LCN9: variants seen among roughly 807,000 people sequenced by gnomAD.
The protein encoded by LCN9 is epididymal-specific lipocalin-9.
Under a neutral mutation model 18.5 loss-of-function variants are expected in LCN9, and 22 were observed. The ratio of observed to expected loss-of-function variants is 1.19; its 90% CI spans 0.85 to 1.70. The LOEUF (loss-of-function observed/expected upper bound fraction) is 1.70, where lower values mean the gene tolerates loss of function less well. LCN9 is among the 40% of genes most tolerant of loss of function. The pLI is 0.00. For synonymous variants in LCN9, 89 were observed against 83.0 expected, an observed-to-expected ratio of 1.07 and a Z score of -0.39; for missense variants, 202 against 201.3, an observed-to-expected ratio of 1.00 and a Z score of -0.02.
rs771939761 is a variant in LCN9 at position 135,664,812 on chromosome 9, C to A, written c.307+17C>A. The A allele has an allele frequency of 1.2e-5, 19 of 1,569,244 alleles. No individual in the cohort carries two copies. Among genetic ancestry groups the A allele is most frequent in the Admixed American group, 9.5e-5 (5 of 52,842 alleles). ...CCATCAACTGTAAGTGGAAGCCAGG[C>A]TCCTCCTGGTCTCACAGTCGGGGGT... On this transcript the variant is annotated intron_variant, in intron 3 of 5. Coordinates refer to ENST00000619315, the Ensembl canonical transcript of LCN9. This position sits in a 1 kb window ranked among gnomAD's most constrained non-coding sequence, Gnocchi z 4.5.
In LCN9 at chr9:135,664,054, T is replaced by G. The variant is rs529351183; in HGVS notation, c.97-108T>G. On this transcript the variant is annotated intron_variant, in intron 1 of 5. Coordinates refer to ENST00000619315, the Ensembl canonical transcript of LCN9. The surrounding 1 kb of genome is among the most constrained non-coding windows in gnomAD (Gnocchi z 4.5). ...ACTGGAAGGGCGGAGGGGTTCTGGT[T>G]GGGAGCCAGATGCTAAGGGGCCGGG... 6.4e-5 allele frequency: 78 copies of G among 1,224,644 alleles called. 3 individuals are homozygous for G. The South Asian group carries it at 1.1e-3, about 17-fold the overall frequency. 75.9% of individuals were successfully genotyped at this position (1,224,644 alleles called of 1,614,324 possible).
At chr9:135,663,504 G>C (rs1041155410) in intron 1 of LCN9, 87 bp downstream of exon 1, 2 of 1,241,910 alleles carry the variant, frequency 1.6e-6, no homozygotes, top group African/African-American at 3.0e-5. Context: ...CCTGTGACCA[G>C]GGCAACTGGT....
Position 135,665,299 on chromosome 9 carries a change from C to A in LCN9, c.362C>A (p.Thr121Asn). 1.9e-6 allele frequency: 3 copies of A among 1,607,086 alleles called. No individual in the cohort carries two copies. The highest frequency in any genetic ancestry group is 2.5e-6 in the Non-Finnish European group (3 of 1,177,098). ...GAGACTGACTACAGGCTGTTCATCA[C>A]CTTCCACCTCCAGAACTTCAGGAAC... Residue 121 changes from threonine (T) to asparagine (N), a missense_variant, in exon 4 of 6, where the codon ACC becomes AAC. Transcript: ENST00000619315. The surrounding 1 kb of genome is among the most constrained non-coding windows in gnomAD (Gnocchi z 5.9).
intron 1 of LCN9, 63 bp downstream of exon 1, chr9:135,663,480 C>T (rs1834154085): frequency 6.8e-7 from 1 of 1,466,822 alleles, no homozygotes. Flanking sequence ...CTTCCCCCAG[C>T]CTGGGGTCTC....
chr9:135,663,516 C>A, intron 1 of LCN9, 99 bp downstream of exon 1: 1 of 901,662 alleles, frequency 1.1e-6, no homozygotes, highest in Non-Finnish European at 1.7e-6. Flanking sequence ...GCAACTGGTC[C>A]AAGGGGAGCC....
rs1196596713 is a variant in LCN9, at chr9:135,665,853, C to T, written c.*10-8C>T. ...TCCCTGCGCTGAGAGCCCCCTCTGT[C>T]CTTCCAGATCCCTGCTACTCCAAGC... is the stretch of plus-strand genomic sequence containing the variant. On this transcript the variant is annotated splice_polypyrimidine_tract_variant and splice_region_variant and intron_variant, in intron 5 of 5. Transcript: ENST00000619315. The surrounding 1 kb of genome is among the most constrained non-coding windows in gnomAD (Gnocchi z 5.9). 6.2e-7 allele frequency: 1 copy of T among 1,612,728 alleles called. No individual in the cohort carries two copies. The highest frequency in any genetic ancestry group is 1.7e-5 in the Admixed American group (1 of 59,864).
In LCN9 at chr9:135,665,564, T is replaced by C. The variant is rs777346259; in HGVS notation, c.419-124T>C. 27 of 969,852 alleles carry C rather than the reference T, an allele frequency of 2.8e-5. No individual in the cohort carries two copies. The highest frequency in any genetic ancestry group is 3.5e-5 in the Non-Finnish European group (22 of 636,642). The allele number at this position is 969,852 out of a possible 1,614,324, so 60.1% of individuals were successfully genotyped here. A position where few individuals can be genotyped will look rare whatever the true frequency, so the allele number is the denominator to read the frequency against. ...CACTTGGCACAAAGCCCCTCTCTGG[T>C]CAGGGCGTGACCCCCTGCCCAGCCT... is the stretch of plus-strand genomic sequence containing the variant. On this transcript the variant is annotated intron_variant, in intron 4 of 5. Coordinates refer to ENST00000619315, the Ensembl canonical transcript of LCN9. This position sits in a 1 kb window ranked among gnomAD's most constrained non-coding sequence, Gnocchi z 5.9.
In LCN9 at chr9:135,665,908, C is replaced by T. The variant is rs763098064; in HGVS notation, c.*57C>T. ...CAGGAGCCCGCCCAGGCCTCCCATG[C>T]GTGAGCTGCGACTCGGGACGGGCAG... On this transcript the variant is annotated 3_prime_UTR_variant, in exon 6 of 6. Transcript: ENST00000619315. The surrounding 1 kb of genome is among the most constrained non-coding windows in gnomAD (Gnocchi z 5.9). 2.0e-5 allele frequency: 33 copies of T among 1,611,206 alleles called. No homozygotes were observed. The highest frequency in any genetic ancestry group is 3.4e-4 in the Middle Eastern group (2 of 5,944).
chr9:135,665,906 T>C lies in LCN9; in HGVS notation c.*55T>C. On this transcript the variant is annotated 3_prime_UTR_variant, in exon 6 of 6. Coordinates refer to ENST00000619315, the Ensembl canonical transcript of LCN9. This position sits in a 1 kb window ranked among gnomAD's most constrained non-coding sequence, Gnocchi z 5.9. ...TACAGGAGCCCGCCCAGGCCTCCCA[T>C]GCGTGAGCTGCGACTCGGGACGGGC... The C allele has an allele frequency of 1.9e-6, 3 of 1,611,580 alleles. No individual in the cohort carries two copies. The highest frequency in any genetic ancestry group is 2.5e-6 in the Non-Finnish European group (3 of 1,179,270).
rs546663138 is a variant in LCN9, at chr9:135,665,736, C to T, written c.467C>T (p.Ser156Leu). 3 of 1,613,514 alleles carry T rather than the reference C, an allele frequency of 1.9e-6. No homozygotes were observed. The highest frequency in any genetic ancestry group is 2.2e-5 in the South Asian group (2 of 90,964). ...ACGGACTTGGCTCACAAAATATCAT[C>T]GACTTGACCAACAAAGGTCAGCCCC... Residue 156 changes from serine to leucine, a missense_variant, in exon 5 of 6, where the codon TCG (serine) becomes TTG (leucine). By Grantham distance (145) the Ser-to-Leu change is moderately radical. Transcript: ENST00000619315. This position sits in a 1 kb window ranked among gnomAD's most constrained non-coding sequence, Gnocchi z 5.9.
Position 135,664,298 on chromosome 9 carries a change from T to C in LCN9, c.233T>C (p.Met78Thr), listed in dbSNP as rs762817494. The C allele has an allele frequency of 7.0e-5, 113 of 1,613,694 alleles. 1 individual carries two copies. The highest frequency in any genetic ancestry group is 1.6e-4 in the East Asian group (7 of 44,900). The change falls in exon 2 of 6, where the codon ATG becomes ACG. Residue 78 changes from methionine to threonine, a missense_variant and splice_region_variant. Coordinates refer to ENST00000619315, the Ensembl canonical transcript of LCN9. The surrounding 1 kb of genome is among the most constrained non-coding windows in gnomAD (Gnocchi z 4.5). ...AGCCTAATATTTGATTTCGAATACA[T>C]GTGCGTGTTGCCCATCTCAGCTGGC...
Position 135,664,746 on chromosome 9 carries a change from G to T in LCN9, c.258G>T (p.Val86=). 6.3e-7 allele frequency: 1 copy of T among 1,598,920 alleles called. No individual in the cohort carries two copies. Among genetic ancestry groups the T allele is most frequent in the Non-Finnish European group, 8.5e-7 (1 of 1,173,196 alleles). The change falls in exon 3 of 6, where the codon GTG becomes GTT. Residue 86 remains valine, a synonymous_variant. Transcript: ENST00000619315. The surrounding 1 kb of genome is among the most constrained non-coding windows in gnomAD (Gnocchi z 4.5). ...GGGTGCAGGGGGAGTGTGTGGCTGTGGTCGTGGTCTGCGAGAAGACAGAGA... is the reference window on the plus strand; with the variant it reads ...GGGTGCAGGGGGAGTGTGTGGCTGTTGTCGTGGTCTGCGAGAAGACAGAGA...
chr9:135,663,373 T>C, exon 1 of LCN9: 1 of 1,613,700 alleles, frequency 6.2e-7, no homozygotes, highest in Non-Finnish European at 8.5e-7. Flanking sequence ...AGCCCAGGAG[T>C]TCGATCCCCA....
In LCN9 at chr9:135,665,342, G is replaced by C. The variant is rs367648675; in HGVS notation, c.405G>C (p.Thr135=). 2.5e-6 allele frequency: 4 copies of C among 1,599,668 alleles called. No homozygotes were observed. Among genetic ancestry groups the C allele is most frequent in the Non-Finnish European group, 3.4e-6 (4 of 1,173,418 alleles). ...TCAGGAACGGGACCGAGACCCACAC[G>C]CTGGCGCTCTATGGTACCTCCGCTG... The change falls in exon 4 of 6, where the codon ACG becomes ACC. Residue 135 remains threonine, a synonymous_variant. Coordinates refer to ENST00000619315, the Ensembl canonical transcript of LCN9. The surrounding 1 kb of genome is among the most constrained non-coding windows in gnomAD (Gnocchi z 5.9).
rs563635238 is a variant in LCN9, at chr9:135,664,518, C to T, written c.234-204C>T. Among the ~76,000 whole-genome samples, 2 of 152,190 alleles carry T rather than the reference C, an allele frequency of 1.3e-5. No homozygotes were observed. The highest frequency in any genetic ancestry group is 2.4e-5 in the African/African-American group (1 of 41,520). ...TCCCTGAAACATAGAGATGAAATCG[C>T]CCCCTTCCAAGGCTGGGGTGAGGTT... On this transcript the variant is annotated intron_variant, in intron 2 of 5. Coordinates refer to ENST00000619315, the Ensembl canonical transcript of LCN9. This position sits in a 1 kb window ranked among gnomAD's most constrained non-coding sequence, Gnocchi z 4.5.
chr9:135,665,610 C>A lies in LCN9; in HGVS notation c.419-78C>A. On this transcript the variant is annotated intron_variant, in intron 4 of 5. Transcript: ENST00000619315. This position sits in a 1 kb window ranked among gnomAD's most constrained non-coding sequence, Gnocchi z 5.9. ...AGCCTCAGCACTTCCTGAGCACCCC[C>A]AGCAAGGCCCAGCTTCACACAGAAC... is the stretch of plus-strand genomic sequence containing the variant. 7.0e-7 allele frequency: 1 copy of A among 1,428,408 alleles called. No individual in the cohort carries two copies. Among genetic ancestry groups the A allele is most frequent in the South Asian group, 1.2e-5 (1 of 80,994 alleles). 88.5% of individuals were successfully genotyped at this position (1,428,408 alleles called of 1,614,324 possible). A position where few individuals can be genotyped will look rare whatever the true frequency, so the allele number is the denominator to read the frequency against.
Position 135,665,291 on chromosome 9 carries a change from G to C in LCN9, c.354G>C (p.Leu118=). The C allele has an allele frequency of 6.2e-7, 1 of 1,606,900 alleles. No individual in the cohort carries two copies. Among genetic ancestry groups the C allele is most frequent in the Non-Finnish European group, 8.5e-7 (1 of 1,176,996 alleles). ...CCGTCTCGGAGACTGACTACAGGCT[G>C]TTCATCACCTTCCACCTCCAGAACT... is the stretch of plus-strand genomic sequence containing the variant. Residue 118 remains leucine (L), a synonymous_variant, in exon 4 of 6, where the codon CTG becomes CTC. Transcript: ENST00000619315. This position sits in a 1 kb window ranked among gnomAD's most constrained non-coding sequence, Gnocchi z 5.9.
Position 135,664,069 on chromosome 9 carries a change from A to C in LCN9, c.97-93A>C. 1 of 1,399,738 alleles carries C rather than the reference A, an allele frequency of 7.1e-7. No homozygotes were observed. 86.7% of individuals were successfully genotyped at this position (1,399,738 alleles called of 1,614,324 possible). A position where few individuals can be genotyped will look rare whatever the true frequency, so the allele number is the denominator to read the frequency against. On this transcript the variant is annotated intron_variant, in intron 1 of 5. Coordinates refer to ENST00000619315, the Ensembl canonical transcript of LCN9. The surrounding 1 kb of genome is among the most constrained non-coding windows in gnomAD (Gnocchi z 4.5). ...GGGTTCTGGTTGGGAGCCAGATGCT[A>C]AGGGGCCGGGCCCTGGGAGGGAAGA...
Position 135,665,495 on chromosome 9 carries a change from A to G in LCN9, c.418+140A>G. The G allele has an allele frequency of 1.2e-6, 1 of 829,180 alleles. No homozygotes were observed. Among genetic ancestry groups the G allele is most frequent in the Non-Finnish European group, 2.0e-6 (1 of 512,152 alleles). The allele number at this position is 829,180 out of a possible 1,614,324, so 51.4% of individuals were successfully genotyped here. On this transcript the variant is annotated intron_variant, in intron 4 of 5. Coordinates refer to ENST00000619315, the Ensembl canonical transcript of LCN9. The surrounding 1 kb of genome is among the most constrained non-coding windows in gnomAD (Gnocchi z 5.9). ...CCGTTGGCTATTCCTTCCCACAGAC[A>G]CACCGTTAGGGTGCTGGGTGCTTCA...
Sources: allele counts gnomAD v4.1 joint callset (sites outside exome capture counted in the v4.1 genomes callset), GRCh38; gene constraint gnomAD v4.1.1; non-coding constraint Gnocchi (gnomAD v3.1); transcripts MANE v1.5; gene names NCBI Gene and HGNC (gene_info 2026-07-23, HGNC 2026-07-21).